The following LIG1 variants were observed in gnomAD, a reference collection of about 807,000 sequenced individuals.
LIG1 encodes the protein DNA ligase 1.
A neutral mutation model predicts 115.7 loss-of-function variants in LIG1; 70 were observed. That is an observed-to-expected ratio of 0.60 (90% confidence interval 0.50 to 0.74). The LOEUF (loss-of-function observed/expected upper bound fraction) is 0.74, where lower values mean the gene tolerates loss of function less well. LIG1 is among the 30% of genes least tolerant of loss of function. LIG1 has a pLI of 0.00. For synonymous variants in LIG1, 487 were observed against 495.3 expected (o/e 0.98, Z 0.22); for missense variants, 1,115 against 1,225.6 (o/e 0.91, Z 1.35).
intron 14 of LIG1, among the ~76,000 whole-genome samples, chr19:48,136,787 G>A (rs1249289036): frequency 6.6e-6 from 1 of 152,198 alleles, no homozygotes; most frequent in Non-Finnish European, 1.5e-5. Context: ...ACCCACAGGG[G>A]CCCAGGGGCC....
At position 48,159,708 on chromosome 19, in the gene LIG1, T is replaced by TATTC. The variant is rs575219469; in HGVS notation, c.243+1663_243+1664insGAAT. Among the ~76,000 whole-genome samples the TATTC allele has an allele frequency of 4.2e-4, 57 of 136,924 alleles. No homozygotes were observed. In the South Asian group the frequency reaches 0.013, roughly 31 times the overall value. The allele number at this position is 136,924 out of a possible 152,430, so 89.8% of individuals were successfully genotyped here. On this transcript the variant is annotated intron_variant, in intron 4 of 27. Coordinates refer to ENST00000263274, the MANE Select transcript of LIG1 (RefSeq NM_000234.3). ...ACAGAAGGAGGCAATGCCACTTGCT[T>TATTC]ATTTATTTATTTATTTATTTATTTT... is the stretch of plus-strand genomic sequence containing the variant.
chr19:48,143,165 T>C (rs188613296), intron 11 of LIG1, among the ~76,000 whole-genome samples: 36 of 152,284 alleles, frequency 2.4e-4, no homozygotes, highest in African/African-American at 7.9e-4. Flanking sequence ...GTCCTCGCTA[T>C]AACTGAGACC....
At chr19:48,133,289 G>A (rs1044315595) in intron 17 of LIG1, 192 bp from the exon 18 acceptor site, 5 of 601,090 alleles carry the variant, frequency 8.3e-6, no homozygotes, top group African/African-American at 1.9e-5. Context: ...CTTCCAGGTG[G>A]GAAAGGCCAT....
intron 2 of LIG1, among the ~76,000 whole-genome samples, chr19:48,162,564 GCTGGAA>G (rs1403645599): frequency 2.0e-5 from 3 of 151,498 alleles, no homozygotes; most frequent in African/African-American, 7.3e-5. Context: ...CTCCCAAGTA[GCTGGAA>G]CTACAGGCAC....
Position 48,137,227 on chromosome 19 carries a change from G to A in LIG1, c.1255-143C>T, listed in dbSNP as rs557768276. The A allele has an allele frequency of 4.8e-5, 38 of 791,686 alleles. No homozygotes were observed. Among genetic ancestry groups the A allele is most frequent in the Non-Finnish European group, 7.0e-5 (33 of 470,584 alleles). The allele number at this position is 791,686 out of a possible 1,614,324, so 49.0% of individuals were successfully genotyped here. ...TCCCCATGTCCCAGCTCCCATGGCCGCCCACTCTTAGGGCAGTAAGAACGA... is the reference window on the plus strand; with the variant it reads ...TCCCCATGTCCCAGCTCCCATGGCCACCCACTCTTAGGGCAGTAAGAACGA... On this transcript the variant is annotated intron_variant, in intron 13 of 27. Coordinates refer to ENST00000263274, the MANE Select transcript of LIG1 (RefSeq NM_000234.3). This position sits in a 1 kb window ranked among gnomAD's most constrained non-coding sequence, Gnocchi z 4.3.
At position 48,123,024 on chromosome 19, in the gene LIG1, A is replaced by G. The variant is rs1419963502; in HGVS notation, c.2150-8T>C. On this transcript the variant is annotated splice_polypyrimidine_tract_variant and splice_region_variant and intron_variant, in intron 22 of 27. Coordinates refer to ENST00000263274, the MANE Select transcript of LIG1 (RefSeq NM_000234.3). ...TCAGCCCCTCGCAGGAGTCTGAGGGAGACACAGAAGCGTGGTCCTTGGGAA... is the reference window on the plus strand; with the variant it reads ...TCAGCCCCTCGCAGGAGTCTGAGGGGGACACAGAAGCGTGGTCCTTGGGAA... 1.2e-6 allele frequency: 2 copies of G among 1,613,586 alleles called. No individual in the cohort carries two copies. The highest frequency in any genetic ancestry group is 2.7e-5 in the African/African-American group (2 of 74,852).
chr19:48,141,650 C>T (rs896583295), intron 11 of LIG1, among the ~76,000 whole-genome samples: 4 of 152,196 alleles, frequency 2.6e-5, no homozygotes, highest in African/African-American at 9.7e-5. Context: ...AAAACGAAAA[C>T]CGTGTTTCTG....
At chr19:48,127,717 C>G in intron 20 of LIG1, 193 bp downstream of exon 20, 1 of 693,026 alleles carries the variant, frequency 1.4e-6, no homozygotes, top group Non-Finnish European at 2.6e-6. Context: ...GGGCCCTTCC[C>G]CTCTTCCTAC....
At chr19:48,144,767 G>C (rs2035008568) in intron 9 of LIG1, among the ~76,000 whole-genome samples, 1 of 152,148 alleles carries the variant, frequency 6.6e-6, no homozygotes, top group Admixed American at 6.6e-5. Context: ...GCCTCCCAAA[G>C]TGCTAGGATT....
chr19:48,136,937 G>A, intron 14 of LIG1, 71 bp downstream of exon 14: 1 of 1,229,538 alleles, frequency 8.1e-7, no homozygotes, highest in Non-Finnish European at 1.2e-6. Context: ...GATTCCAGCT[G>A]CCAGTCCCTC....
At chr19:48,146,042 T>C (rs1426869100) in intron 9 of LIG1, 2 of 152,280 alleles carry the variant, frequency 1.3e-5, no homozygotes, top group Non-Finnish European at 2.9e-5. Flanking sequence ...GGAAAGCCCG[T>C]TGCTGAGTGC....
chr19:48,128,829 C>A (rs2033839850), intron 19 of LIG1, among the ~76,000 whole-genome samples: 3 of 152,240 alleles, frequency 2.0e-5, no homozygotes. Flanking sequence ...GTGGTGCGAT[C>A]TTGGCTCACT....
chr19:48,133,598 GC>G (rs2034182712), intron 17 of LIG1: 1 of 328,698 alleles, frequency 3.0e-6, no homozygotes, highest in Non-Finnish European at 5.9e-6. Context: ...CTGCCTTCTG[GC>G]CCATTTTTAT....
In LIG1 at chr19:48,137,667, C is replaced by T. The variant is rs768968095; in HGVS notation, c.1109G>A (p.Arg370Gln). The change falls in exon 13 of 28, where the codon CGG becomes CAG. Residue 370 changes from arginine to glutamine, a missense_variant. Arg to Gln is a conservative substitution (Grantham distance 43, BLOSUM62 1). Transcript: ENST00000263274. The surrounding 1 kb of genome is among the most constrained non-coding windows in gnomAD (Gnocchi z 4.3). ...GTCGCCTTTCTCGGCTGCCTCAGCC[C>T]GGACGGACTCCAGCTGCCGACCTTC... ...QATGRQLESV[R>Q]AEAAEKGDVG... The T allele has an allele frequency of 2.6e-5, 42 of 1,605,098 alleles. No homozygotes were observed. Among genetic ancestry groups the T allele is most frequent in the Middle Eastern group, 1.6e-4 (1 of 6,082 alleles).
chr19:48,151,239 C>G lies in LIG1; in HGVS notation c.567G>C (p.Lys189Asn). The change falls in exon 7 of 28, where the codon AAG becomes AAC. Residue 189 changes from lysine to asparagine, a missense_variant. Transcript: ENST00000263274. ...AGAGGACCAGAAACTCACTGGAGGT[C>G]TTTAGGGGCTTGGGAGGCGTGGTGG... is the stretch of plus-strand genomic sequence containing the variant. ...DQPTTPPKPLKTSKAETPTES... is the reference protein window; with the variant it reads ...DQPTTPPKPLNTSKAETPTES... 1 of 1,611,586 alleles carries G rather than the reference C, an allele frequency of 6.2e-7. No individual in the cohort carries two copies. The highest frequency in any genetic ancestry group is 8.5e-7 in the Non-Finnish European group (1 of 1,177,784).
chr19:48,138,927 G>C (rs2034567236), intron 12 of LIG1, among the ~76,000 whole-genome samples: 1 of 152,082 alleles, frequency 6.6e-6, no homozygotes, highest in East Asian at 1.9e-4. Context: ...ATCTCCTCTG[G>C]CTCCCATAAG....
At chr19:48,116,405 G>A (rs1406989835) in intron 26 of LIG1, among the ~76,000 whole-genome samples, 5 of 135,474 alleles carry the variant, frequency 3.7e-5, no homozygotes, top group Admixed American at 8.1e-5. Context: ...CTGAGATTGC[G>A]CCACTGTACT....
intron 14 of LIG1, 125 bp from the exon 15 acceptor site, chr19:48,136,250 A>T: frequency 1.4e-6 from 1 of 693,532 alleles, no homozygotes; most frequent in South Asian, 1.7e-5. Flanking sequence ...AAGAATCTTC[A>T]GAGCCTGGAA....
Position 48,140,034 on chromosome 19 carries a change from G to T in LIG1, c.1024C>A (p.Gln342Lys). The change falls in exon 12 of 28, where the codon CAG becomes AAG. Residue 342 changes from glutamine to lysine, a missense_variant. By Grantham distance (53) the Gln-to-Lys change is moderately conservative. Coordinates refer to ENST00000263274, the MANE Select transcript of LIG1 (RefSeq NM_000234.3). ...YLSLNHLGPP[Q>K]QGLELGVGDG... ...CCCACGCCAAGCTCCAGGCCCTGCT[G>T]GGGTGGCCCAAGGTGGTTGAGGCTG... is the stretch of plus-strand genomic sequence containing the variant. 1.2e-6 allele frequency: 2 copies of T among 1,614,124 alleles called. No homozygotes were observed. The highest frequency in any genetic ancestry group is 1.7e-6 in the Non-Finnish European group (2 of 1,180,046).
Sources: gnomAD v4.1 joint callset for allele counts (sites outside exome capture counted in the v4.1 genomes callset) on GRCh38, gnomAD v4.1.1 for gene constraint, Gnocchi (gnomAD v3.1) non-coding constraint, MANE v1.5 for transcripts, NCBI Gene and HGNC (gene_info 2026-07-23, HGNC 2026-07-21) for gene names.